The following COG5 variants were observed in gnomAD, a reference collection of about 807,000 sequenced individuals.
The protein encoded by COG5 is conserved oligomeric Golgi complex subunit 5.
Under a neutral mutation model 110.4 loss-of-function variants are expected in COG5, and 86 were observed. The observed-to-expected ratio is 0.78, with a 90% CI of 0.65 to 0.93. The LOEUF (loss-of-function observed/expected upper bound fraction) is 0.93. Ranked by LOEUF, COG5 falls within the 40% of genes least tolerant of loss-of-function variation. COG5 has a pLI of 0.00. For synonymous variants in COG5, 360 were observed against 334.6 expected (o/e 1.08, Z -0.83); for missense variants, 1,077 against 987.0 (o/e 1.09, Z -1.22).
chr7:107,232,783 G>A (rs1316643154), intron 18 of COG5, among the ~76,000 whole-genome samples: 1 of 152,146 alleles, frequency 6.6e-6, no homozygotes, highest in East Asian at 1.9e-4. Context: ...GTGGTAAGAG[G>A]AGGTGACTCT....
chr7:107,532,659 T>C (rs891398579), intron 5 of COG5, among the ~76,000 whole-genome samples: 1 of 152,132 alleles, frequency 6.6e-6, no homozygotes, highest in African/African-American at 2.4e-5. Context: ...TCTATATAAA[T>C]ATAAACAGTA....
At chr7:107,446,072 T>G (rs10234355) in intron 6 of COG5, among the ~76,000 whole-genome samples, 41,294 of 152,080 alleles carry the variant, frequency 0.27, 5,700 homozygotes, top group East Asian at 0.33. Context: ...GCAGCCATAT[T>G]CACATGATAT....
intron 5 of COG5, among the ~76,000 whole-genome samples, chr7:107,540,228 A>G (rs1417213290): frequency 6.6e-6 from 1 of 152,194 alleles, no homozygotes; most frequent in Non-Finnish European, 1.5e-5. Context: ...ACAGGGCTAA[A>G]CTAGCCCTAG....
chr7:107,372,773 T>C lies in COG5; in HGVS notation c.670-13A>G, dbSNP rs1562995611. On this transcript the variant is annotated splice_polypyrimidine_tract_variant and intron_variant, in intron 7 of 21. Coordinates refer to ENST00000297135, the MANE Select transcript of COG5 (RefSeq NM_006348.5). ...CTTGAGTTGGATTCTTAAAAAAAGG[T>C]GGGGTGGGGTGGAAACAGATATAAA... 2 of 1,612,578 alleles carry C rather than the reference T, an allele frequency of 1.2e-6. No homozygotes were observed. Among genetic ancestry groups the C allele is most frequent in the South Asian group, 2.2e-5 (2 of 91,016 alleles).
chr7:107,222,484 G>A (rs1284958009), intron 19 of COG5, among the ~76,000 whole-genome samples: 3 of 152,126 alleles, frequency 2.0e-5, no homozygotes. Flanking sequence ...GATTACAGGC[G>A]TGAGCCACCA....
intron 14 of COG5, among the ~76,000 whole-genome samples, chr7:107,263,268 C>G (rs1239885473): frequency 6.6e-6 from 1 of 152,196 alleles, no homozygotes; most frequent in Non-Finnish European, 1.5e-5. Flanking sequence ...ATCACTAATT[C>G]ATCTACATGT....
At chr7:107,383,721 C>A (rs1815327126) in intron 7 of COG5, among the ~76,000 whole-genome samples, 1 of 152,118 alleles carries the variant, frequency 6.6e-6, no homozygotes, top group Admixed American at 6.5e-5. Flanking sequence ...AAATGGGCAG[C>A]CATTCATCTT....
chr7:107,464,044 T>A (rs1194475094), intron 6 of COG5, among the ~76,000 whole-genome samples: 1 of 152,002 alleles, frequency 6.6e-6, no homozygotes, highest in African/African-American at 2.4e-5. Context: ...CTCCCTAAGG[T>A]TCCCTACCAT....
intron 6 of COG5, among the ~76,000 whole-genome samples, chr7:107,515,304 A>G (rs1479429022): frequency 2.0e-5 from 3 of 152,200 alleles, no homozygotes; most frequent in Non-Finnish European, 4.4e-5. Context: ...GATGAAAACT[A>G]AAAATCTTGC....
chr7:107,372,804 A>G, intron 7 of COG5, 44 bp from the exon 8 acceptor site: 1 of 1,587,106 alleles, frequency 6.3e-7, no homozygotes, highest in Non-Finnish European at 8.6e-7. Context: ...ATAAATAGGA[A>G]AACAAACAAA....
chr7:107,421,693 G>A (rs1164210687), intron 6 of COG5, among the ~76,000 whole-genome samples: 1 of 151,588 alleles, frequency 6.6e-6, no homozygotes, highest in African/African-American at 2.4e-5. Flanking sequence ...GGGGGCGGGG[G>A]ATGGGGAGGT....
intron 14 of COG5, among the ~76,000 whole-genome samples, chr7:107,267,342 C>T (rs552917038): frequency 2.2e-4 from 33 of 152,196 alleles, no homozygotes; most frequent in African/African-American, 6.0e-4. Flanking sequence ...ATTATCCTCT[C>T]TAAGAGCTTT....
At chr7:107,416,862 A>G in intron 6 of COG5, among the ~76,000 whole-genome samples, 1 of 152,230 alleles carries the variant, frequency 6.6e-6, no homozygotes, top group African/African-American at 2.4e-5. Flanking sequence ...TGGTAACTGG[A>G]TAAAAGCTTT....
intron 5 of COG5, among the ~76,000 whole-genome samples, chr7:107,532,346 T>C (rs1008329186): frequency 7.9e-5 from 12 of 152,156 alleles, no homozygotes; most frequent in African/African-American, 2.9e-4. Context: ...AATGGACCAC[T>C]GCACCCAGGC....
At chr7:107,244,766 G>A (rs1584565547) in intron 17 of COG5, among the ~76,000 whole-genome samples, 1 of 152,112 alleles carries the variant, frequency 6.6e-6, no homozygotes, top group East Asian at 1.9e-4. Flanking sequence ...CTGATTCCCT[G>A]AACAGACTAA....
At chr7:107,404,279 C>T (rs1791648835) in intron 7 of COG5, among the ~76,000 whole-genome samples, 1 of 152,068 alleles carries the variant, frequency 6.6e-6, no homozygotes, top group Non-Finnish European at 1.5e-5. Flanking sequence ...TTAAATGTAA[C>T]TGATAATATG....
chr7:107,262,687 C>T (rs1803453829), intron 14 of COG5, among the ~76,000 whole-genome samples: 1 of 152,126 alleles, frequency 6.6e-6, no homozygotes, highest in African/African-American at 2.4e-5. Context: ...TCCTCACCTT[C>T]TCCTCATTTC....
intron 8 of COG5, among the ~76,000 whole-genome samples, chr7:107,365,611 A>AG (rs1424365892): frequency 6.7e-6 from 1 of 150,176 alleles, no homozygotes; most frequent in Admixed American, 6.6e-5. Context: ...AAAAAAAAAA[A>AG]AAAAAAAAAA....
intron 17 of COG5, among the ~76,000 whole-genome samples, chr7:107,243,564 T>G (rs1458238546): frequency 1.8e-5 from 2 of 112,252 alleles, no homozygotes; most frequent in African/African-American, 3.4e-5. Context: ...TCCCACACAA[T>G]AACGGTGGGA....
Sources: allele counts gnomAD v4.1 joint callset (sites outside exome capture counted in the v4.1 genomes callset), GRCh38; gene constraint gnomAD v4.1.1; transcripts MANE v1.5; gene names NCBI Gene and HGNC (gene_info 2026-07-23, HGNC 2026-07-21).